Variants in DIP2C observed in about 807,000 individuals in gnomAD.
DIP2C encodes disco-interacting protein 2 homolog C.
DIP2C carries 33 observed loss-of-function variants against 192.4 expected under a neutral mutation model. The observed-to-expected ratio is 0.17, with a 90% CI of 0.13 to 0.23. The LOEUF (loss-of-function observed/expected upper bound fraction) is 0.23, where lower values mean the gene tolerates loss of function less well. Among genes scored for constraint, DIP2C ranks in the 10% least tolerant of loss-of-function variants. The pLI, the probability that DIP2C is intolerant of heterozygous loss-of-function variation, is 1.00. For synonymous variants in DIP2C, 979 were observed against 864.1 expected (o/e 1.13, Z -2.33); for missense variants, 1,537 against 2,110.1 (o/e 0.73, Z 5.32).
At chr10:601,225 A>C (rs896189153) in intron 1 of DIP2C, among the ~76,000 whole-genome samples, 5 of 152,192 alleles carry the variant, frequency 3.3e-5, no homozygotes, top group African/African-American at 1.2e-4. Flanking sequence ...CATACAGATA[A>C]ACTCATTACC....
At chr10:610,301 C>T (rs1852996522) in intron 1 of DIP2C, among the ~76,000 whole-genome samples, 1 of 152,188 alleles carries the variant, frequency 6.6e-6, no homozygotes, top group Non-Finnish European at 1.5e-5. Flanking sequence ...CAGCAGGGCC[C>T]ACTCATAAGC....
chr10:564,220 C>A (rs1849350782), intron 1 of DIP2C, among the ~76,000 whole-genome samples: 1 of 151,972 alleles, frequency 6.6e-6, no homozygotes, highest in African/African-American at 2.4e-5. Context: ...GTTCCCCCCA[C>A]CCCCGCACGT....
chr10:550,533 A>G (rs1848528263), intron 1 of DIP2C, among the ~76,000 whole-genome samples: 1 of 152,110 alleles, frequency 6.6e-6, no homozygotes, highest in Non-Finnish European at 1.5e-5. Context: ...TTTACTATAG[A>G]TATCAACATT....
At chr10:481,996 C>T (rs1843647560) in intron 2 of DIP2C, among the ~76,000 whole-genome samples, 1 of 152,186 alleles carries the variant, frequency 6.6e-6, no homozygotes. Flanking sequence ...GTTTAGTAAC[C>T]ACCACCCAAC....
rs1156283604 is a variant in DIP2C, at chr10:347,502, C to G, written c.3231+1139G>C. On this transcript the variant is annotated intron_variant, in intron 26 of 36. Transcript: ENST00000280886. ...CCCACACTCACCCGGACACATTGCG[C>G]ATAGTTCTCCCGGAAACCCCACACG... Among the ~76,000 whole-genome samples, 10 of 104,212 alleles carry G rather than the reference C, an allele frequency of 9.6e-5. 2 individuals are homozygous for G. Among genetic ancestry groups the G allele is most frequent in the Non-Finnish European group, 1.9e-4 (10 of 52,490 alleles). 68.4% of individuals were successfully genotyped at this position (104,212 alleles called of 152,430 possible). A position where few individuals can be genotyped will look rare whatever the true frequency, so the allele number is the denominator to read the frequency against.
At chr10:590,786 C>T (rs1851355785) in intron 1 of DIP2C, among the ~76,000 whole-genome samples, 1 of 152,214 alleles carries the variant, frequency 6.6e-6, no homozygotes, top group Admixed American at 6.5e-5. Flanking sequence ...ATCTTACAGC[C>T]ACCATTCTGA....
At chr10:400,661 C>T (rs146997473) in intron 9 of DIP2C, among the ~76,000 whole-genome samples, 340 of 151,180 alleles carry the variant, frequency 2.2e-3, no homozygotes, top group East Asian at 6.3e-3. Flanking sequence ...TAGCATTACT[C>T]TTCCTTATGG....
At chr10:526,998 G>A (rs1847093110) in intron 1 of DIP2C, among the ~76,000 whole-genome samples, 1 of 152,204 alleles carries the variant, frequency 6.6e-6, no homozygotes, top group African/African-American at 2.4e-5. Context: ...AGTAGGTGGA[G>A]GCGGACAGGG....
chr10:337,852 T>C (rs373793643), intron 29 of DIP2C, among the ~76,000 whole-genome samples: 9 of 42,826 alleles, frequency 2.1e-4, no homozygotes, highest in Admixed American at 2.9e-4. Context: ...GAGGCCTAGG[T>C]TGATGTGTGT....
At chr10:600,265 G>A (rs909466641) in intron 1 of DIP2C, among the ~76,000 whole-genome samples, 4 of 152,140 alleles carry the variant, frequency 2.6e-5, no homozygotes, top group African/African-American at 7.2e-5. Context: ...AGTCACTGCC[G>A]CTGCCTTGCC....
intron 28 of DIP2C, among the ~76,000 whole-genome samples, chr10:343,571 A>T (rs1409274073): frequency 1.3e-5 from 2 of 152,228 alleles, no homozygotes; most frequent in Non-Finnish European, 2.9e-5. Context: ...GTAAAATGTA[A>T]ATAATTCTTT....
At position 305,863 on chromosome 10, in the gene DIP2C, C is replaced by G. The variant is rs574992360; in HGVS notation, c.3986+4168G>C. 2.6e-5 allele frequency among the ~76,000 whole-genome samples: 4 copies of G among 152,096 alleles called. No homozygotes were observed. The South Asian group carries it at 8.3e-4, about 32-fold the overall frequency. ...GTCTCGCTATGTTGCCCAGGCTGCC[C>G]TCAAACCTCTTGGGCTCCAGTGATT... On this transcript the variant is annotated intron_variant, in intron 32 of 36. Transcript: ENST00000280886.
chr10:498,872 T>C (rs960873803), intron 1 of DIP2C, among the ~76,000 whole-genome samples: 2 of 152,166 alleles, frequency 1.3e-5, no homozygotes, highest in Admixed American at 6.5e-5. Flanking sequence ...CAGCTAATTA[T>C]AGATAAAACA....
chr10:566,345 G>A (rs1026832393), intron 1 of DIP2C, among the ~76,000 whole-genome samples: 2 of 152,178 alleles, frequency 1.3e-5, no homozygotes, highest in African/African-American at 2.4e-5. Context: ...ACCGCACCAG[G>A]CCTTCCTCAG....
chr10:460,349 A>T (rs1969675932), intron 3 of DIP2C, among the ~76,000 whole-genome samples: 1 of 152,220 alleles, frequency 6.6e-6, no homozygotes, highest in Non-Finnish European at 1.5e-5. Flanking sequence ...GTGCTCAATA[A>T]ATGCCAGCTC....
At chr10:330,407 C>T (rs1957451528) in intron 29 of DIP2C, among the ~76,000 whole-genome samples, 1 of 152,186 alleles carries the variant, frequency 6.6e-6, no homozygotes, top group Non-Finnish European at 1.5e-5. Flanking sequence ...GTCAAAACTA[C>T]ATTTTTAATG....
chr10:596,571 G>GTAT (rs1851720378), intron 1 of DIP2C, among the ~76,000 whole-genome samples: 1 of 149,732 alleles, frequency 6.7e-6, no homozygotes, highest in African/African-American at 2.5e-5. Flanking sequence ...TGCCACCGAG[G>GTAT]TATCCTATAG....
At chr10:590,187 C>T (rs912085346) in intron 1 of DIP2C, among the ~76,000 whole-genome samples, 1 of 152,216 alleles carries the variant, frequency 6.6e-6, no homozygotes, top group Middle Eastern at 3.2e-3. Context: ...TGAGCCTCTG[C>T]GTCCATGAAC....
At chr10:431,867 G>A (rs1241882696) in intron 4 of DIP2C, among the ~76,000 whole-genome samples, 1 of 152,318 alleles carries the variant, frequency 6.6e-6, no homozygotes, top group East Asian at 1.9e-4. Flanking sequence ...AATTGGGTAT[G>A]ATGTTAACAA....
Sources: allele counts gnomAD v4.1 joint callset (sites outside exome capture counted in the v4.1 genomes callset), GRCh38; gene constraint gnomAD v4.1.1; transcripts MANE v1.5; gene names NCBI Gene and HGNC (gene_info 2026-07-23, HGNC 2026-07-21).